The following ORC4 variants were observed in gnomAD, a reference collection of about 807,000 sequenced individuals.
The protein encoded by ORC4 is origin recognition complex, subunit 4 homolog.
Under a neutral mutation model 63.9 loss-of-function variants are expected in ORC4, and 55 were observed. That is an observed-to-expected ratio of 0.86 (90% CI 0.69 to 1.08). The LOEUF (loss-of-function observed/expected upper bound fraction) is 1.08, where lower values mean the gene tolerates loss of function less well. ORC4 is among the 50% of genes least tolerant of loss of function. The pLI, the probability that ORC4 is intolerant of heterozygous loss-of-function variation, is 0.00. For missense variants in ORC4, 511 were observed against 504.4 expected (o/e 1.01, Z -0.13); for synonymous variants, 150 against 168.5 (o/e 0.89, Z 0.85).
chr2:147,939,533 A>G (rs563399595), intron 10 of ORC4, among the ~76,000 whole-genome samples: 102 of 152,240 alleles, frequency 6.7e-4, no homozygotes, highest in Admixed American at 5.1e-3. Flanking sequence ...AAAGAGGAGT[A>G]GGTCAAGGAG....
rs200744315 is a variant in ORC4, at chr2:147,943,439, T to C, written c.846A>G (p.Leu282=). Residue 282 remains leucine (L), a synonymous_variant, in exon 10 of 14, where the codon CTA becomes CTG. Transcript: ENST00000392857. Reference sequence around the variant, plus strand: ...ATAAAACAAAACTAATACAAACCAATAGCATGTGTAATGACCGCAGGTTTT... The same window carrying C: ...ATAAAACAAAACTAATACAAACCAACAGCATGTGTAATGACCGCAGGTTTT... The part of the protein sequence containing the change: ...ISKNLRSLHM[L]LMLALNRVTA... 1.1e-5 allele frequency: 18 copies of C among 1,576,998 alleles called. No individual in the cohort carries two copies. The highest frequency in any genetic ancestry group is 6.6e-5 in the South Asian group (6 of 90,362).
At chr2:148,010,848 CTTTTTT>C (rs201359357) in intron 1 of ORC4, among the ~76,000 whole-genome samples, 2,013 of 98,558 alleles carry the variant, frequency 0.02, 25 homozygotes, top group Admixed American at 0.07. Flanking sequence ...CAGATTTATT[CTTTTTT>C]TTTTTTTTTT....
Position 147,973,526 on chromosome 2 carries a change from T to C in ORC4, c.58-2A>G. 1 of 1,544,150 alleles carries C rather than the reference T, an allele frequency of 6.5e-7. No individual in the cohort carries two copies. Among genetic ancestry groups the C allele is most frequent in the Non-Finnish European group, 8.9e-7 (1 of 1,118,198 alleles). On this transcript the variant is annotated splice_acceptor_variant, in intron 2 of 13. Transcript: ENST00000392857. LOFTEE classifies it high-confidence loss of function. ...TCTTTCACGTAAAATTCTTTGTACC[T>C]GATGAAAATAAAGTGAATAAATATA...
At chr2:147,970,752 A>G (rs1424750530) in intron 4 of ORC4, among the ~76,000 whole-genome samples, 2 of 152,316 alleles carry the variant, frequency 1.3e-5, no homozygotes, top group Non-Finnish European at 2.9e-5. Flanking sequence ...GAAAAAATCT[A>G]CATGACTTTC....
In ORC4 at chr2:147,991,550, C is replaced by T. The variant is rs201048818; in HGVS notation, c.-17-15575G>A. Among the ~76,000 whole-genome samples the T allele has an allele frequency of 4.0e-5, 6 of 151,724 alleles. No individual in the cohort carries two copies. The East Asian group carries it at 7.8e-4, about 20-fold the overall frequency. On this transcript the variant is annotated intron_variant, in intron 1 of 13. Coordinates refer to ENST00000392857, the MANE Select transcript of ORC4 (RefSeq NM_181741.4). ...ACATTTAGAAATTACTACAGTTGGC[C>T]GGGCATGGTGGCTCACACCTGTAAT...
At position 147,934,951 on chromosome 2, in the gene ORC4, T is replaced by C. The variant is rs1687971350; in HGVS notation, c.*559A>G. On this transcript the variant is annotated 3_prime_UTR_variant, in exon 14 of 14. Transcript: ENST00000392857. ...TGTGGATGGTATGAGTACCACATTT[T>C]GAGATGTCTAGAAGAAAAATCTTCA... 6.5e-6 allele frequency: 1 copy of C among 154,192 alleles called. No homozygotes were observed. The highest frequency in any genetic ancestry group is 2.4e-5 in the African/African-American group (1 of 41,438). 9.6% of individuals were successfully genotyped at this position (154,192 alleles called of 1,614,324 possible). A position where few individuals can be genotyped will look rare whatever the true frequency, so the allele number is the denominator to read the frequency against.
chr2:147,967,677 T>C (rs1381611895), intron 4 of ORC4, among the ~76,000 whole-genome samples: 1 of 151,914 alleles, frequency 6.6e-6, no homozygotes, highest in Non-Finnish European at 1.5e-5. Context: ...AAGACACCCA[T>C]ACTCACATGA....
Position 147,939,132 on chromosome 2 carries a change from G to A in ORC4, c.958+8C>T, listed in dbSNP as rs374817217. ...ACCACAATTTAAAAAATAAGGCTGGGTTCTCACCATGTACAATATTTGCTT... is the reference window on the plus strand; with the variant it reads ...ACCACAATTTAAAAAATAAGGCTGGATTCTCACCATGTACAATATTTGCTT... On this transcript the variant is annotated splice_region_variant and intron_variant, in intron 11 of 13. Coordinates refer to ENST00000392857, the MANE Select transcript of ORC4 (RefSeq NM_181741.4). 7.0e-5 allele frequency: 106 copies of A among 1,516,892 alleles called. No homozygotes were observed. In the African/African-American group the frequency reaches 1.4e-3, roughly 19 times the overall value. The allele number at this position is 1,516,892 out of a possible 1,614,324, so 94.0% of individuals were successfully genotyped here.
intron 2 of ORC4, among the ~76,000 whole-genome samples, chr2:147,974,104 G>A (rs1218603084): frequency 6.6e-6 from 1 of 152,128 alleles, no homozygotes; most frequent in Non-Finnish European, 1.5e-5. Context: ...AATCCTTCAT[G>A]TACCAAAGAA....
intron 1 of ORC4, among the ~76,000 whole-genome samples, chr2:148,009,027 T>C (rs767556896): frequency 2.0e-5 from 3 of 152,094 alleles, no homozygotes; most frequent in Non-Finnish European, 2.9e-5. Context: ...GGAGTAGAAG[T>C]GTACAGGTTT....
chr2:147,950,545 T>A (rs544272654), intron 8 of ORC4, among the ~76,000 whole-genome samples: 1 of 152,110 alleles, frequency 6.6e-6, no homozygotes, highest in African/African-American at 2.4e-5. Context: ...GGGGGGTAGA[T>A]CACGAGGTCA....
At chr2:147,999,276 C>A (rs537169638) in intron 1 of ORC4, among the ~76,000 whole-genome samples, 1 of 152,228 alleles carries the variant, frequency 6.6e-6, no homozygotes, top group African/African-American at 2.4e-5. Flanking sequence ...ACACAAGACA[C>A]AGCAGAAGGT....
intron 1 of ORC4, among the ~76,000 whole-genome samples, chr2:148,016,174 G>A (rs755386415): frequency 2.0e-5 from 3 of 152,012 alleles, no homozygotes; most frequent in Non-Finnish European, 4.4e-5. Flanking sequence ...CCACAACAAC[G>A]AACCATTTCT....
At chr2:148,010,602 T>C (rs1692906898) in intron 1 of ORC4, among the ~76,000 whole-genome samples, 1 of 151,884 alleles carries the variant, frequency 6.6e-6, no homozygotes, top group Non-Finnish European at 1.5e-5. Context: ...AAGAAACGAA[T>C]AAATTCCTAG....
Position 147,931,719 on chromosome 2 carries a change from C to G in ORC4, c.*3791G>C, listed in dbSNP as rs943483256. On this transcript the variant is annotated 3_prime_UTR_variant, in exon 14 of 14. Coordinates refer to ENST00000392857, the MANE Select transcript of ORC4 (RefSeq NM_181741.4). The stretch of plus-strand genomic sequence containing the variant: ...AAAGACAAAAAACACATGATTATCT[C>G]AATAGATGCAGAAAAAGCCTTTGAC... The G allele has an allele frequency of 2.6e-5, 4 of 152,072 alleles. No homozygotes were observed. The highest frequency in any genetic ancestry group is 7.2e-5 in the African/African-American group (3 of 41,392). The allele number at this position is 152,072 out of a possible 1,614,324, so 9.4% of individuals were successfully genotyped here. A position where few individuals can be genotyped will look rare whatever the true frequency, so the allele number is the denominator to read the frequency against.
intron 1 of ORC4, among the ~76,000 whole-genome samples, chr2:147,989,724 GAACAAC>G: frequency 6.6e-6 from 1 of 151,686 alleles, no homozygotes; most frequent in East Asian, 1.9e-4. Flanking sequence ...ACAACAATAG[GAACAAC>G]AACAACAAGA....
chr2:147,979,092 G>A (rs1323540708), intron 1 of ORC4, among the ~76,000 whole-genome samples: 1 of 152,098 alleles, frequency 6.6e-6, no homozygotes, highest in Non-Finnish European at 1.5e-5. Flanking sequence ...ATTCAATATA[G>A]TACTGCAAGT....
intron 1 of ORC4, among the ~76,000 whole-genome samples, chr2:148,014,687 G>C (rs897380794): frequency 1.3e-5 from 2 of 151,852 alleles, no homozygotes; most frequent in Non-Finnish European, 2.9e-5. Flanking sequence ...TTAAAAACAC[G>C]ACTATAAAAA....
chr2:147,953,934 G>A (rs1432195076), intron 7 of ORC4, among the ~76,000 whole-genome samples: 1 of 152,006 alleles, frequency 6.6e-6, no homozygotes, highest in Non-Finnish European at 1.5e-5. Flanking sequence ...TACTAATATA[G>A]AATTTTAGTA....
Sources: gnomAD v4.1 joint callset for allele counts (sites outside exome capture counted in the v4.1 genomes callset) on GRCh38, gnomAD v4.1.1 for gene constraint, MANE v1.5 for transcripts, NCBI Gene and HGNC (gene_info 2026-07-23, HGNC 2026-07-21) for gene names.